The following CDC14A variants were observed in gnomAD, a reference collection of about 807,000 sequenced individuals.
CDC14A encodes the protein cell division cycle 14A.
In CDC14A, 53 loss-of-function variants were observed where a neutral mutation model predicts 74.4. That is an observed-to-expected ratio of 0.71 (90% CI 0.57 to 0.89). The LOEUF is 0.89. Ranked by LOEUF, CDC14A falls within the 40% of genes least tolerant of loss-of-function variation. The pLI is 0.00. For missense variants in CDC14A, 646 were observed against 713.7 expected, an observed-to-expected ratio of 0.91 and a Z score of 1.08; for synonymous variants, 247 against 258.4, an observed-to-expected ratio of 0.96 and a Z score of 0.43.
chr1:100,427,896 T>TG (rs1364459236), intron 5 of CDC14A, among the ~76,000 whole-genome samples: 1 of 151,902 alleles, frequency 6.6e-6, no homozygotes, highest in African/African-American at 2.4e-5. Flanking sequence ...AACTCTGAAA[T>TG]GGGGGGGTAG....
At chr1:100,350,752 C>G (rs980271599), upstream of CDC14A, among the ~76,000 whole-genome samples, 1 of 152,112 alleles carries the variant, frequency 6.6e-6, no homozygotes, top group African/African-American at 2.4e-5. Flanking sequence ...TTAGATTATG[C>G]AAGAATTTTA....
At chr1:100,408,833 A>G (rs1166375675) in intron 4 of CDC14A, among the ~76,000 whole-genome samples, 2 of 152,228 alleles carry the variant, frequency 1.3e-5, no homozygotes, top group African/African-American at 4.8e-5. Context: ...TGACACATTT[A>G]TAATTTCTTT....
intron 13 of CDC14A, among the ~76,000 whole-genome samples, chr1:100,497,796 A>G (rs1028823904): frequency 2.0e-5 from 3 of 152,210 alleles, no homozygotes; most frequent in Non-Finnish European, 4.4e-5. Context: ...TGACTGGATG[A>G]GGAACTTTTC....
At chr1:100,350,885 A>G (rs1279502046), upstream of CDC14A, among the ~76,000 whole-genome samples, 1 of 152,192 alleles carries the variant, frequency 6.6e-6, no homozygotes, top group Non-Finnish European at 1.5e-5. Flanking sequence ...AAGAAATACT[A>G]GATTTTTTTT....
At chr1:100,504,964 T>C in intron 15 of CDC14A, 1 of 1,501,698 alleles carries the variant, frequency 6.7e-7, no homozygotes, top group Non-Finnish European at 8.9e-7. Flanking sequence ...CTATAATTAA[T>C]ACTTTATTTT....
chr1:100,429,236 T>TAAATAAATAAATAA (rs1242910769), intron 5 of CDC14A, among the ~76,000 whole-genome samples: 1 of 14,390 alleles, frequency 6.9e-5, no homozygotes, highest in East Asian at 3.4e-3. Context: ...TAAATAAATA[T>TAAATAAATAAATAA]AAAATAAAAT....
At chr1:100,406,785 G>T (rs1456469942) in intron 4 of CDC14A, among the ~76,000 whole-genome samples, 1 of 152,052 alleles carries the variant, frequency 6.6e-6, no homozygotes, top group Non-Finnish European at 1.5e-5. Context: ...AATTAGCCAG[G>T]CTTGGTGGTG....
intron 10 of CDC14A, among the ~76,000 whole-genome samples, chr1:100,482,242 CT>C (rs1338877953): frequency 6.6e-6 from 1 of 152,068 alleles, no homozygotes; most frequent in Non-Finnish European, 1.5e-5. Flanking sequence ...TCTGTTCTCA[CT>C]TTGTTTTTTG....
At chr1:100,412,697 T>TTTATATATATATATATATAA (rs1660876115) in intron 4 of CDC14A, among the ~76,000 whole-genome samples, 1 of 26,410 alleles carries the variant, frequency 3.8e-5, no homozygotes, top group African/African-American at 2.8e-4. Flanking sequence ...CTGTATGTTT[T>TTTATATATATATATATATAA]ATATATATAT....
chr1:100,353,088 A>G (rs1416382612), intron 1 of CDC14A, 85 bp downstream of exon 1: 6 of 1,455,812 alleles, frequency 4.1e-6, no homozygotes, highest in African/African-American at 1.4e-5. Flanking sequence ...CCTTCTCCTG[A>G]GGCTGCCAGT....
At chr1:100,413,561 C>T (rs1373187310) in intron 4 of CDC14A, among the ~76,000 whole-genome samples, 1 of 152,082 alleles carries the variant, frequency 6.6e-6, no homozygotes, top group African/African-American at 2.4e-5. Context: ...GGTCTACCAC[C>T]TTCTCTCTTC....
intron 3 of CDC14A, among the ~76,000 whole-genome samples, chr1:100,385,335 C>G (rs1215946326): frequency 6.6e-6 from 1 of 152,198 alleles, no homozygotes; most frequent in Non-Finnish European, 1.5e-5. Context: ...AATGTAAATT[C>G]TCAGGCCCTA....
chr1:100,504,788 TA>T, intron 15 of CDC14A: 1 of 1,515,526 alleles, frequency 6.6e-7, no homozygotes, highest in Non-Finnish European at 8.9e-7. Context: ...TTACCTTGCT[TA>T]TTCTCTTGTT....
intron 15 of CDC14A, among the ~76,000 whole-genome samples, chr1:100,506,894 T>C (rs551159987): frequency 6.6e-6 from 1 of 152,306 alleles, no homozygotes; most frequent in African/African-American, 2.4e-5. Context: ...CTATAAAAGC[T>C]GGCTAGGTGC....
chr1:100,381,738 C>T (rs1557699035), intron 3 of CDC14A, among the ~76,000 whole-genome samples: 1 of 152,072 alleles, frequency 6.6e-6, no homozygotes, highest in African/African-American at 2.4e-5. Context: ...CAAACATATG[C>T]TTAGATTAAA....
intron 11 of CDC14A, among the ~76,000 whole-genome samples, chr1:100,491,572 A>ATATATATTTT (rs1418515078): frequency 1.4e-3 from 34 of 25,108 alleles, no homozygotes; most frequent in South Asian, 3.3e-3. Context: ...ATATATATAT[A>ATATATATTTT]TTTTTTTTTT....
At chr1:100,448,819 A>G (rs928488301) in intron 7 of CDC14A, among the ~76,000 whole-genome samples, 1 of 152,118 alleles carries the variant, frequency 6.6e-6, no homozygotes, top group Non-Finnish European at 1.5e-5. Flanking sequence ...TGCTAGGCCC[A>G]ATGTTTCTTT....
At position 100,495,384 on chromosome 1, in the gene CDC14A, G is replaced by A. The variant is rs1208689991; in HGVS notation, c.1250+454G>A. Among the ~76,000 whole-genome samples, 3 of 152,122 alleles carry A rather than the reference G, an allele frequency of 2.0e-5. No individual in the cohort carries two copies. In the South Asian group the frequency reaches 6.2e-4, roughly 32 times the overall value. On this transcript the variant is annotated intron_variant, in intron 12 of 15. Transcript: ENST00000336454. ...AAAATTGAATAAGCAATTCTTACCT[G>A]TGCCTGTAAAGTTATAAGCCATCTT... is the stretch of plus-strand genomic sequence containing the variant.
At chr1:100,466,066 A>T (rs2101242123) in intron 9 of CDC14A, among the ~76,000 whole-genome samples, 1 of 152,320 alleles carries the variant, frequency 6.6e-6, no homozygotes, top group African/African-American at 2.4e-5. Context: ...TCAAAATTAT[A>T]GACTCTTTTT....
Sources: gnomAD v4.1 joint callset for allele counts (sites outside exome capture counted in the v4.1 genomes callset) on GRCh38, gnomAD v4.1.1 for gene constraint, MANE v1.5 for transcripts, NCBI Gene and HGNC (gene_info 2026-07-23, HGNC 2026-07-21) for gene names.